The following CTNND2 variants were observed in gnomAD, a reference collection of about 807,000 sequenced individuals.
CTNND2 encodes catenin delta 2, also known as catenin delta-2.
CTNND2 carries 22 observed loss-of-function variants against 144.4 expected under a neutral mutation model. The ratio of observed to expected loss-of-function variants is 0.15; its 90% confidence interval spans 0.11 to 0.22. The LOEUF (loss-of-function observed/expected upper bound fraction) is 0.22, where lower values mean the gene tolerates loss of function less well. CTNND2 is among the 10% of genes least tolerant of loss of function. The probability of loss-of-function intolerance (pLI) is 1.00; values close to 1 mark genes in which losing one functional copy is unlikely to be tolerated. For missense variants in CTNND2, 1,353 were observed against 1,618.8 expected (o/e 0.84, Z 2.82); for synonymous variants, 751 against 695.6 (o/e 1.08, Z -1.25).
chr5:11,894,471 T>C (rs1338976254), intron 1 of CTNND2, among the ~76,000 whole-genome samples: 1 of 152,208 alleles, frequency 6.6e-6, no homozygotes, highest in East Asian at 1.9e-4. Context: ...ACAACCACTA[T>C]GGAAGTGGGC....
intron 3 of CTNND2, among the ~76,000 whole-genome samples, chr5:11,546,815 T>C (rs980927011): frequency 2.5e-4 from 38 of 152,240 alleles, no homozygotes; most frequent in Admixed American, 6.5e-4. Flanking sequence ...AGAAGCAGAC[T>C]ACACATATGT....
chr5:11,306,711 G>T (rs1347445529), intron 9 of CTNND2, among the ~76,000 whole-genome samples: 1 of 152,186 alleles, frequency 6.6e-6, no homozygotes, highest in African/African-American at 2.4e-5. Context: ...ATATGCATAG[G>T]AATGTCTGAT....
chr5:11,672,096 G>A (rs1203125771), intron 2 of CTNND2, among the ~76,000 whole-genome samples: 2 of 152,162 alleles, frequency 1.3e-5, no homozygotes, highest in South Asian at 4.1e-4. Context: ...GTTTGCCTGG[G>A]TATCACCGGC....
Position 11,196,601 on chromosome 5 carries a change from G to A in CTNND2, c.1975+2847C>T, listed in dbSNP as rs115071989. Among the ~76,000 whole-genome samples the A allele has an allele frequency of 1.6e-3, 251 of 152,306 alleles. 2 individuals carry two copies. Among genetic ancestry groups the A allele is most frequent in the African/African-American group, 5.6e-3 (231 of 41,558 alleles). ...CCTAATTCCTAAACAGATTTGCAGT[G>A]GCTCCTTGCGACAAAAGACGTGAAG... is the stretch of plus-strand genomic sequence containing the variant. On this transcript the variant is annotated intron_variant, in intron 11 of 21. Transcript: ENST00000304623.
chr5:11,140,566 A>G (rs1756624301), intron 12 of CTNND2, among the ~76,000 whole-genome samples: 1 of 152,226 alleles, frequency 6.6e-6, no homozygotes, highest in African/African-American at 2.4e-5. Flanking sequence ...TTGAGAAGAC[A>G]TCTGTATCTA....
intron 12 of CTNND2, among the ~76,000 whole-genome samples, chr5:11,150,980 C>T (rs971346825): frequency 4.6e-5 from 7 of 152,200 alleles, no homozygotes; most frequent in Admixed American, 6.5e-5. Context: ...TGTTTTCCTT[C>T]CTCCAACAGG....
chr5:11,721,826 C>A (rs1446132864), intron 2 of CTNND2, among the ~76,000 whole-genome samples: 1 of 152,196 alleles, frequency 6.6e-6, no homozygotes, highest in Non-Finnish European at 1.5e-5. Context: ...TTCCCTGTAG[C>A]CCTGGTCACA....
At chr5:11,147,262 A>G (rs1345047453) in intron 12 of CTNND2, among the ~76,000 whole-genome samples, 1 of 152,228 alleles carries the variant, frequency 6.6e-6, no homozygotes, top group African/African-American at 2.4e-5. Context: ...TCAAAAGCCC[A>G]GAATGCTTTG....
intron 1 of CTNND2, among the ~76,000 whole-genome samples, chr5:11,868,675 G>T (rs1282458310): frequency 6.6e-6 from 1 of 152,128 alleles, no homozygotes; most frequent in Non-Finnish European, 1.5e-5. Flanking sequence ...CTAAGTTCAT[G>T]AATAAATTTA....
intron 1 of CTNND2, among the ~76,000 whole-genome samples, chr5:11,883,753 C>T (rs1736308909): frequency 6.6e-6 from 1 of 152,194 alleles, no homozygotes; most frequent in Admixed American, 6.5e-5. Flanking sequence ...GAGGAATCGC[C>T]ACACTGTCTT....
chr5:11,068,738 A>ACCC lies in CTNND2; in HGVS notation c.2788+13955_2788+13957dup, dbSNP rs1747893065. ...AGACCATCCTGGCTAACACGGTGAA[A>ACCC]CCCCGTCTCTACTAAAAAATGTAAA... On this transcript the variant is annotated intron_variant, in intron 16 of 21. Transcript: ENST00000304623. Among the ~76,000 whole-genome samples the ACCC allele has an allele frequency of 2.0e-5, 3 of 152,214 alleles. No individual in the cohort carries two copies. In the South Asian group the frequency reaches 6.2e-4, roughly 32 times the overall value.
At chr5:11,876,499 C>A (rs1735580314) in intron 1 of CTNND2, among the ~76,000 whole-genome samples, 1 of 152,080 alleles carries the variant, frequency 6.6e-6, no homozygotes, top group South Asian at 2.1e-4. Context: ...TCAATATAAT[C>A]ATATTCGCAA....
rs556348462 is a variant in CTNND2, at chr5:11,451,274, G to A, written c.288-39205C>T. On this transcript the variant is annotated intron_variant, in intron 3 of 21. Transcript: ENST00000304623. The stretch of plus-strand genomic sequence containing the variant: ...ATTTAAAAAGTTATATTTAACATAA[G>A]AGTTGAAAGCTTCTAGGCATCACAT... Among the ~76,000 whole-genome samples the A allele has an allele frequency of 9.9e-5, 15 of 152,088 alleles. No individual in the cohort carries two copies. The East Asian group carries it at 2.3e-3, about 24-fold the overall frequency.
chr5:11,135,742 A>T (rs1439798854), intron 12 of CTNND2, among the ~76,000 whole-genome samples: 1 of 152,160 alleles, frequency 6.6e-6, no homozygotes, highest in Non-Finnish European at 1.5e-5. Context: ...TTCCACATGG[A>T]CACACCTCAA....
At chr5:11,183,553 T>C (rs554740408) in intron 11 of CTNND2, among the ~76,000 whole-genome samples, 1 of 151,558 alleles carries the variant, frequency 6.6e-6, no homozygotes, top group Admixed American at 6.6e-5. Context: ...TAGTTTCTTT[T>C]TTTTTTGGTT....
intron 16 of CTNND2, among the ~76,000 whole-genome samples, chr5:11,057,414 C>G (rs6888460): frequency 0.042 from 6,372 of 152,210 alleles, 479 homozygotes; most frequent in African/African-American, 0.15. Context: ...TATGAGATCT[C>G]ATCATTTTAA....
At chr5:11,303,002 A>C (rs913517565) in intron 9 of CTNND2, among the ~76,000 whole-genome samples, 7 of 152,096 alleles carry the variant, frequency 4.6e-5, no homozygotes, top group Non-Finnish European at 7.4e-5. Flanking sequence ...CCCTGGGTTA[A>C]CTTGCTGTCT....
chr5:11,162,464 G>C (rs1289534216), intron 11 of CTNND2, among the ~76,000 whole-genome samples: 1 of 152,016 alleles, frequency 6.6e-6, no homozygotes, highest in Admixed American at 6.5e-5. Flanking sequence ...TCAGAATCAC[G>C]AACAAACAGA....
intron 15 of CTNND2, 110 bp downstream of exon 15, chr5:11,098,465 A>G: frequency 2.0e-6 from 2 of 992,912 alleles, no homozygotes; most frequent in Non-Finnish European, 2.9e-6. Flanking sequence ...TTTCTCTAAC[A>G]TCCTAGAAAT....
Sources: allele counts gnomAD v4.1 joint callset (sites outside exome capture counted in the v4.1 genomes callset), GRCh38; gene constraint gnomAD v4.1.1; transcripts MANE v1.5; gene names NCBI Gene and HGNC (gene_info 2026-07-23, HGNC 2026-07-21).